SUGCT: variants seen among roughly 807,000 people sequenced by gnomAD.
SUGCT encodes the protein succinyl-CoA:glutarate CoA-transferase.
A neutral mutation model predicts 55.0 loss-of-function variants in SUGCT; 41 were observed. The observed-to-expected ratio is 0.74, with a 90% CI of 0.58 to 0.97. SUGCT has a LOEUF of 0.97. Ranked by LOEUF, SUGCT falls within the 50% of genes least tolerant of loss-of-function variation. The pLI is 0.00. For synonymous variants in SUGCT, 187 were observed against 200.4 expected, an observed-to-expected ratio of 0.93 and a Z score of 0.56; for missense variants, 568 against 547.8, an observed-to-expected ratio of 1.04 and a Z score of -0.37.
chr7:40,899,244 C>T, the SUGCT span, among the ~76,000 whole-genome samples: 3 of 152,196 alleles, frequency 2.0e-5, no homozygotes, highest in Non-Finnish European at 2.9e-5. Flanking sequence ...TCCCTCCCTC[C>T]TCACCAACCC....
chr7:40,729,029 C>A (rs1430973729), intron 12 of SUGCT, among the ~76,000 whole-genome samples: 1 of 152,148 alleles, frequency 6.6e-6, no homozygotes, highest in African/African-American at 2.4e-5. Context: ...GAATTTTAAT[C>A]AGTAAAGTCT....
chr7:40,183,518 T>A (rs998471553), intron 3 of SUGCT, among the ~76,000 whole-genome samples: 2 of 152,002 alleles, frequency 1.3e-5, no homozygotes, highest in Non-Finnish European at 2.9e-5. Flanking sequence ...ATAATAAAAA[T>A]TTTTTTGTGT....
intron 12 of SUGCT, among the ~76,000 whole-genome samples, chr7:40,508,966 T>C (rs1792771413): frequency 6.6e-6 from 1 of 152,146 alleles, no homozygotes; most frequent in Non-Finnish European, 1.5e-5. Flanking sequence ...CCTTGCTAGC[T>C]GTGATCTCCT....
At chr7:40,777,153 C>A (rs936498226) in intron 13 of SUGCT, among the ~76,000 whole-genome samples, 1 of 152,162 alleles carries the variant, frequency 6.6e-6, no homozygotes, top group Non-Finnish European at 1.5e-5. Context: ...TCTTATCTAT[C>A]TTCATAGATA....
intron 9 of SUGCT, among the ~76,000 whole-genome samples, chr7:40,431,115 C>T (rs1787873425): frequency 1.0e-5 from 1 of 97,318 alleles, no homozygotes; most frequent in South Asian, 4.1e-4. Flanking sequence ...GAGACTTCGT[C>T]TCAAAAAAAA....
chr7:40,378,326 A>G (rs4723954), intron 9 of SUGCT, among the ~76,000 whole-genome samples: 123,238 of 151,952 alleles, frequency 0.81, 50,933 homozygotes, highest in Middle Eastern at 0.9. Flanking sequence ...TCTTTCTACT[A>G]TTCAGACTGG....
At chr7:40,756,600 A>G (rs941870051) in intron 13 of SUGCT, among the ~76,000 whole-genome samples, 1 of 152,158 alleles carries the variant, frequency 6.6e-6, no homozygotes, top group Non-Finnish European at 1.5e-5. Context: ...AATTTCTATA[A>G]TGGATAACAG....
chr7:40,339,901 C>G (rs1471177660), intron 9 of SUGCT, among the ~76,000 whole-genome samples: 1 of 152,096 alleles, frequency 6.6e-6, no homozygotes, highest in African/African-American at 2.4e-5. Flanking sequence ...CCTTTTTTGC[C>G]CAGTGGCTCT....
At chr7:40,881,427 C>T in the SUGCT span, among the ~76,000 whole-genome samples, 9 of 152,254 alleles carry the variant, frequency 5.9e-5, no homozygotes, top group Non-Finnish European at 1.0e-4. Context: ...TTTAGTGAAA[C>T]CTCTCTGTCA....
chr7:40,968,257 C>T, the SUGCT span: 3 of 152,300 alleles, frequency 2.0e-5, no homozygotes, highest in South Asian at 6.2e-4. Context: ...CCTTTTACAA[C>T]AAATAATTTA....
At chr7:40,719,957 G>A (rs750219312) in intron 12 of SUGCT, among the ~76,000 whole-genome samples, 6 of 151,992 alleles carry the variant, frequency 3.9e-5, no homozygotes, top group Non-Finnish European at 7.4e-5. Context: ...CACTACGCCC[G>A]GCTAATTTTT....
intron 9 of SUGCT, among the ~76,000 whole-genome samples, chr7:40,368,918 A>T (rs1198360636): frequency 6.6e-6 from 1 of 152,042 alleles, no homozygotes; most frequent in African/African-American, 2.4e-5. Flanking sequence ...AGCCTGGCCA[A>T]CATGGCAAAA....
intron 12 of SUGCT, among the ~76,000 whole-genome samples, chr7:40,660,311 T>G (rs1174507096): frequency 6.6e-6 from 1 of 152,086 alleles, no homozygotes; most frequent in African/African-American, 2.4e-5. Context: ...CAGGCTGGAG[T>G]GCAGTGGCAT....
chr7:40,498,915 A>G (rs961470690), intron 12 of SUGCT: 5 of 370,166 alleles, frequency 1.4e-5, no homozygotes, highest in Admixed American at 3.4e-5. Context: ...TGCAAAATCT[A>G]TGCCAAGAAG....
At chr7:40,551,950 A>G (rs1195423581) in intron 12 of SUGCT, among the ~76,000 whole-genome samples, 1 of 152,206 alleles carries the variant, frequency 6.6e-6, no homozygotes, top group Non-Finnish European at 1.5e-5. Flanking sequence ...AACAGAGCCT[A>G]TCAGACTCAT....
Position 40,412,850 on chromosome 7 carries a change from T to C in SUGCT, c.817-36437T>C, listed in dbSNP as rs1786769600. Among the ~76,000 whole-genome samples, 3 of 152,280 alleles carry C rather than the reference T, an allele frequency of 2.0e-5. No homozygotes were observed. In the South Asian group the frequency reaches 6.2e-4, roughly 32 times the overall value. On this transcript the variant is annotated intron_variant, in intron 9 of 13. Transcript: ENST00000335693. ...TCTCTGTTTGGAGGGTCCAGAGAGTTTTCTTTAATATATGAGAGGATAAAT... is the reference window on the plus strand; with the variant it reads ...TCTCTGTTTGGAGGGTCCAGAGAGTCTTCTTTAATATATGAGAGGATAAAT...
chr7:40,509,304 A>G (rs1410420608), intron 12 of SUGCT, among the ~76,000 whole-genome samples: 1 of 151,868 alleles, frequency 6.6e-6, no homozygotes, highest in East Asian at 1.9e-4. Flanking sequence ...AAATACTATG[A>G]CTTTCATTAC....
the SUGCT span, among the ~76,000 whole-genome samples, chr7:41,028,562 C>A: frequency 1.3e-5 from 2 of 152,190 alleles, no homozygotes; most frequent in Non-Finnish European, 2.9e-5. Context: ...TATAACCTAT[C>A]ACTCCAAGGC....
In SUGCT at chr7:40,423,118, C is replaced by T. The variant is rs1787400813; in HGVS notation, c.817-26169C>T. 2.0e-5 allele frequency among the ~76,000 whole-genome samples: 3 copies of T among 152,236 alleles called. 1 individual carries two copies. In the South Asian group the frequency reaches 6.2e-4, roughly 32 times the overall value. ...TGACAGAAACTATCAGTTGGCAGAA[C>T]TGACAGCTTTACCTATGTGGCTTCA... On this transcript the variant is annotated intron_variant, in intron 9 of 13. Transcript: ENST00000335693.
Sources: gnomAD v4.1 joint callset for allele counts (sites outside exome capture counted in the v4.1 genomes callset) on GRCh38, gnomAD v4.1.1 for gene constraint, MANE v1.5 for transcripts, NCBI Gene and HGNC (gene_info 2026-07-23, HGNC 2026-07-21) for gene names.